Variants in ZNF710 observed in about 807,000 individuals in gnomAD.
ZNF710 encodes the protein zinc finger protein 710.
In ZNF710, 13 loss-of-function variants were observed where a neutral mutation model predicts 50.6. That is an observed-to-expected ratio of 0.26 (90% confidence interval 0.17 to 0.41). The LOEUF (loss-of-function observed/expected upper bound fraction) is 0.41, where lower values mean the gene tolerates loss of function less well. Among genes scored for constraint, ZNF710 ranks in the 10% least tolerant of loss-of-function variants. The pLI, the probability that ZNF710 is intolerant of heterozygous loss-of-function variation, is 1.00. For synonymous variants in ZNF710, 383 were observed against 397.0 expected, an observed-to-expected ratio of 0.96 and a Z score of 0.42; for missense variants, 721 against 936.6, an observed-to-expected ratio of 0.77 and a Z score of 3.01.
At chr15:90,007,291 A>G (rs917367085) in intron 1 of ZNF710, among the ~76,000 whole-genome samples, 1 of 152,170 alleles carries the variant, frequency 6.6e-6, no homozygotes, top group East Asian at 1.9e-4. Context: ...CCTGCTCAAT[A>G]GTTCCATGCA....
chr15:90,041,391 A>G (rs1044814072), intron 1 of ZNF710, among the ~76,000 whole-genome samples: 1 of 152,002 alleles, frequency 6.6e-6, no homozygotes, highest in Non-Finnish European at 1.5e-5. Flanking sequence ...AGGTCTCACT[A>G]TATTGCTTAG....
At chr15:90,072,925 T>A in intron 2 of ZNF710, 146 bp from the exon 3 acceptor site, 2 of 817,222 alleles carry the variant, frequency 2.4e-6, no homozygotes, top group Non-Finnish European at 3.8e-6. Context: ...GTGTTACCTA[T>A]TTTGGAATAC....
Position 90,037,764 on chromosome 15 carries a change from C to T in ZNF710, c.-28-29346C>T, listed in dbSNP as rs188222590. Among the ~76,000 whole-genome samples, 8 of 152,344 alleles carry T rather than the reference C, an allele frequency of 5.3e-5. No individual in the cohort carries two copies. The East Asian group carries it at 1.5e-3, about 29-fold the overall frequency. On this transcript the variant is annotated intron_variant, in intron 1 of 4. Coordinates refer to ENST00000268154, the MANE Select transcript of ZNF710 (RefSeq NM_198526.4). ...ACCTTTGGATGTGGGGTGCCAGAAT[C>T]TGTGCTTAAAGATGAGGGATGTCGG...
intron 1 of ZNF710, among the ~76,000 whole-genome samples, chr15:90,031,026 A>AAAAC (rs1386883100): frequency 8.0e-5 from 12 of 150,302 alleles, no homozygotes; most frequent in Middle Eastern, 3.4e-3. Context: ...CTCAAAAAAA[A>AAAAC]AGAAAAAAAA....
chr15:90,080,048 C>T lies in ZNF710; in HGVS notation c.*219C>T. ...GCCAGCACAGGCCCAGGCATCCCAG[C>T]AAGGGAAGGAGAACACGCGAGGCCC... On this transcript the variant is annotated 3_prime_UTR_variant, in exon 5 of 5. Transcript: ENST00000268154. 1 of 466,186 alleles carries T rather than the reference C, an allele frequency of 2.1e-6. No homozygotes were observed. 28.9% of individuals were successfully genotyped at this position (466,186 alleles called of 1,614,324 possible).
upstream of ZNF710, among the ~76,000 whole-genome samples, chr15:90,001,215 C>T (rs1456074336): frequency 6.6e-6 from 1 of 151,786 alleles, no homozygotes; most frequent in Non-Finnish European, 1.5e-5. Flanking sequence ...AAATCCTCTG[C>T]GGTAGAAAGA....
intron 1 of ZNF710, among the ~76,000 whole-genome samples, chr15:90,058,549 C>G (rs949315840): frequency 1.3e-5 from 2 of 152,072 alleles, no homozygotes; most frequent in African/African-American, 4.8e-5. Flanking sequence ...GTGTCTTTCT[C>G]TAGAGACACT....
At chr15:90,010,928 G>GTTTTTTTT (rs11341248) in intron 1 of ZNF710, among the ~76,000 whole-genome samples, 42 of 79,070 alleles carry the variant, frequency 5.3e-4, no homozygotes, top group Non-Finnish European at 8.2e-4. Flanking sequence ...TTGGTTTTTT[G>GTTTTTTTT]TTTTTTTTTT....
intron 1 of ZNF710, among the ~76,000 whole-genome samples, chr15:90,048,585 A>G (rs1437542109): frequency 6.6e-6 from 1 of 152,224 alleles, no homozygotes; most frequent in Non-Finnish European, 1.5e-5. Context: ...CCTCTGACCC[A>G]TCTGAGCTGC....
At chr15:90,063,643 T>C (rs1567239018) in intron 1 of ZNF710, among the ~76,000 whole-genome samples, 1 of 152,134 alleles carries the variant, frequency 6.6e-6, no homozygotes, top group East Asian at 1.9e-4. Context: ...GGTGTCCTGG[T>C]GTGACTATAA....
Position 90,062,755 on chromosome 15 carries a change from C to T in ZNF710, c.-28-4355C>T, listed in dbSNP as rs754326632. Among the ~76,000 whole-genome samples, 1 of 152,266 alleles carries T rather than the reference C, an allele frequency of 6.6e-6. No individual in the cohort carries two copies. Among genetic ancestry groups the T allele is most frequent in the East Asian group, 1.9e-4 (1 of 5,172 alleles). Reference sequence around the variant, plus strand: ...CCTCCCCACTCCTCATTTCCGTGTGCGATAGGCAGGCAGAACACACATGCG... The same window carrying T: ...CCTCCCCACTCCTCATTTCCGTGTGTGATAGGCAGGCAGAACACACATGCG... On this transcript the variant is annotated intron_variant, in intron 1 of 4. Transcript: ENST00000268154. This position sits in a 1 kb window ranked among gnomAD's most constrained non-coding sequence, Gnocchi z 5.6.
chr15:90,027,584 G>T (rs1898817137), intron 1 of ZNF710, among the ~76,000 whole-genome samples: 1 of 152,074 alleles, frequency 6.6e-6, no homozygotes, highest in African/African-American at 2.4e-5. Context: ...TGAAGGCCTT[G>T]CTCATGCCTG....
intron 1 of ZNF710, among the ~76,000 whole-genome samples, chr15:90,035,049 A>G (rs990541934): frequency 1.3e-5 from 2 of 152,128 alleles, no homozygotes; most frequent in African/African-American, 4.8e-5. Context: ...TAGTACTGGG[A>G]TTTTGGATCC....
At chr15:90,033,716 G>C (rs890919785) in intron 1 of ZNF710, among the ~76,000 whole-genome samples, 1 of 152,168 alleles carries the variant, frequency 6.6e-6, no homozygotes, top group Non-Finnish European at 1.5e-5. Flanking sequence ...TCGCTACCAT[G>C]CCCAGCTTGT....
At position 90,001,585 on chromosome 15, in the gene ZNF710, C is replaced by T. The variant is rs1378516770; in HGVS notation, c.-58C>T. On this transcript the variant is annotated 5_prime_UTR_variant, in exon 1 of 5. Coordinates refer to ENST00000268154, the MANE Select transcript of ZNF710 (RefSeq NM_198526.4). ...CGGCCCGGCCCGGCCCGCCGAGGGC[C>T]CCAGCGCAGGAGCCGCGCCCGGACC... 1 of 145,774 alleles carries T rather than the reference C, an allele frequency of 6.9e-6. No individual in the cohort carries two copies. The highest frequency in any genetic ancestry group is 1.5e-5 in the Non-Finnish European group (1 of 65,394). The allele number at this position is 145,774 out of a possible 1,614,324, so 9.0% of individuals were successfully genotyped here.
At chr15:90,041,354 C>T (rs1271805566) in intron 1 of ZNF710, among the ~76,000 whole-genome samples, 3 of 152,032 alleles carry the variant, frequency 2.0e-5, no homozygotes, top group Non-Finnish European at 4.4e-5. Context: ...ACATGCCTGG[C>T]TAATTTTTTT....
intron 4 of ZNF710, chr15:90,074,648 T>C: frequency 1.8e-6 from 1 of 558,998 alleles, no homozygotes; most frequent in Non-Finnish European, 2.8e-6. Context: ...ACAGAGAACT[T>C]AGATAGCTCA....
intron 1 of ZNF710, among the ~76,000 whole-genome samples, chr15:90,011,757 T>C (rs1898310077): frequency 6.6e-6 from 1 of 152,152 alleles, no homozygotes; most frequent in African/African-American, 2.4e-5. Context: ...CTTTTTTTTC[T>C]TCTTCTTCTT....
intron 1 of ZNF710, among the ~76,000 whole-genome samples, chr15:90,033,791 C>G (rs1342667866): frequency 1.3e-5 from 2 of 152,178 alleles, no homozygotes; most frequent in Non-Finnish European, 2.9e-5. Context: ...CAAGGCAGAG[C>G]AAGGTGGTTT....
Sources: allele counts gnomAD v4.1 joint callset (sites outside exome capture counted in the v4.1 genomes callset), GRCh38; gene constraint gnomAD v4.1.1; non-coding constraint Gnocchi (gnomAD v3.1); transcripts MANE v1.5; gene names NCBI Gene and HGNC (gene_info 2026-07-23, HGNC 2026-07-21).